Variants in ALG5 observed in about 807,000 individuals in gnomAD.
The protein encoded by ALG5 is dolichyl-phosphate beta-glucosyltransferase.
Under a neutral mutation model 51.8 loss-of-function variants are expected in ALG5, and 26 were observed. The observed-to-expected ratio is 0.50, with a 90% CI of 0.37 to 0.70. ALG5 has a LOEUF of 0.70. Among genes scored for constraint, ALG5 ranks in the 30% least tolerant of loss-of-function variants. The probability of loss-of-function intolerance (pLI) is 0.00; values close to 1 mark genes in which losing one functional copy is unlikely to be tolerated. For synonymous variants in ALG5, 141 were observed against 136.1 expected (o/e 1.04, Z -0.25); for missense variants, 311 against 399.3 (o/e 0.78, Z 1.88).
intron 9 of ALG5, 30 bp from the exon 10 acceptor site, chr13:36,950,087 T>A (rs757791751): frequency 7.2e-7 from 1 of 1,385,254 alleles, no homozygotes; most frequent in Non-Finnish European, 1.0e-6. Flanking sequence ...AAAAACAAAT[T>A]AGCTTAAATA....
intron 1 of ALG5, among the ~76,000 whole-genome samples, chr13:36,997,012 T>G (rs902859572): frequency 7.9e-5 from 12 of 152,160 alleles, no homozygotes; most frequent in African/African-American, 2.9e-4. Flanking sequence ...CACTCACAAT[T>G]TTTTCTTGAT....
chr13:36,999,214 G>C, intron 1 of ALG5, 21 bp downstream of exon 1: 1 of 1,556,132 alleles, frequency 6.4e-7, no homozygotes, highest in Non-Finnish European at 8.7e-7. Flanking sequence ...GGCCTGCGCG[G>C]GTTCCCATCC....
At chr13:36,983,958 G>A (rs2058990857) in intron 6 of ALG5, among the ~76,000 whole-genome samples, 1 of 151,924 alleles carries the variant, frequency 6.6e-6, no homozygotes, top group Non-Finnish European at 1.5e-5. Flanking sequence ...TTACCTTTTT[G>A]TGTTGTTTGG....
At chr13:36,958,223 A>G (rs1242432633) in intron 8 of ALG5, among the ~76,000 whole-genome samples, 3 of 151,822 alleles carry the variant, frequency 2.0e-5, no homozygotes, top group Non-Finnish European at 2.9e-5. Context: ...CTGTACCACC[A>G]CTAGCTCTCC....
chr13:36,966,142 G>A (rs1481937413), intron 7 of ALG5, among the ~76,000 whole-genome samples: 1 of 152,114 alleles, frequency 6.6e-6, no homozygotes, highest in Non-Finnish European at 1.5e-5. Context: ...ACAGATATAA[G>A]CCTGCAGTTG....
intron 6 of ALG5, among the ~76,000 whole-genome samples, chr13:36,972,582 G>A (rs1467684877): frequency 6.6e-6 from 1 of 152,124 alleles, no homozygotes; most frequent in Non-Finnish European, 1.5e-5. Context: ...AAGGTAGAAA[G>A]TTTAGACAAG....
chr13:36,973,489 G>C (rs2058935937), intron 6 of ALG5, among the ~76,000 whole-genome samples: 1 of 152,206 alleles, frequency 6.6e-6, no homozygotes, highest in Non-Finnish European at 1.5e-5. Context: ...ACATAGTCCA[G>C]ATACATCAAA....
intron 1 of ALG5, among the ~76,000 whole-genome samples, chr13:36,998,057 A>G (rs1240398374): frequency 1.3e-5 from 2 of 152,350 alleles, no homozygotes; most frequent in East Asian, 3.9e-4. Flanking sequence ...TAAGTACTAC[A>G]ATCAATAAAT....
chr13:36,965,462 G>A (rs2138791421), intron 8 of ALG5, 113 bp downstream of exon 8: 1 of 1,126,060 alleles, frequency 8.9e-7, no homozygotes, highest in East Asian at 2.4e-5. Flanking sequence ...ATACATTATT[G>A]TCAATTTTGT....
chr13:36,983,278 G>A (rs1041700442), intron 6 of ALG5, among the ~76,000 whole-genome samples: 1 of 152,216 alleles, frequency 6.6e-6, no homozygotes, highest in African/African-American at 2.4e-5. Context: ...GTCCTCTGGA[G>A]AAAATCAGGA....
chr13:36,972,054 G>T lies in ALG5; in HGVS notation c.562-18C>A, dbSNP rs778182368. 2 of 1,571,164 alleles carry T rather than the reference G, an allele frequency of 1.3e-6. No homozygotes were observed. The highest frequency in any genetic ancestry group is 4.5e-5 in the East Asian group (2 of 44,298). On this transcript the variant is annotated intron_variant, in intron 6 of 9. Coordinates refer to ENST00000239891, the MANE Select transcript of ALG5 (RefSeq NM_013338.5). ...ATTTGATTCTGAGGGAAAAAGCAGA[G>T]ATAGTTTTTCAATATTTAAATATCA...
intron 6 of ALG5, among the ~76,000 whole-genome samples, chr13:36,978,210 C>T (rs1365003218): frequency 3.3e-5 from 4 of 121,604 alleles, no homozygotes; most frequent in East Asian, 5.1e-4. Flanking sequence ...TTTTTTGAGA[C>T]GGAATCTCAC....
intron 3 of ALG5, 109 bp downstream of exon 3, chr13:36,994,880 G>C (rs1449736434): frequency 2.2e-6 from 2 of 896,674 alleles, no homozygotes; most frequent in Non-Finnish European, 3.5e-6. Flanking sequence ...CCCAGCGATC[G>C]GGGTGCTGCC....
At chr13:36,980,383 C>T (rs960842467) in intron 6 of ALG5, among the ~76,000 whole-genome samples, 6 of 151,900 alleles carry the variant, frequency 3.9e-5, no homozygotes, top group African/African-American at 7.3e-5. Flanking sequence ...TACAGGTGTG[C>T]GCTACGACAC....
chr13:36,980,383 C>A (rs960842467), intron 6 of ALG5, among the ~76,000 whole-genome samples: 1 of 151,900 alleles, frequency 6.6e-6, no homozygotes, highest in South Asian at 2.1e-4. Flanking sequence ...TACAGGTGTG[C>A]GCTACGACAC....
At chr13:36,998,977 C>T (rs916471631) in intron 1 of ALG5, 2 of 356,990 alleles carry the variant, frequency 5.6e-6, no homozygotes, top group Non-Finnish European at 1.0e-5. Context: ...GATGCCAGGC[C>T]GGGTGGGTGC....
chr13:36,985,203 G>A (rs1231316389), intron 6 of ALG5, among the ~76,000 whole-genome samples: 1 of 151,850 alleles, frequency 6.6e-6, no homozygotes, highest in African/African-American at 2.4e-5. Flanking sequence ...TTGAAGTTAT[G>A]GTGTGAAGTT....
At chr13:36,984,519 T>A (rs1426739227) in intron 6 of ALG5, among the ~76,000 whole-genome samples, 1 of 83,478 alleles carries the variant, frequency 1.2e-5, no homozygotes, top group South Asian at 7.5e-4. Flanking sequence ...ATTTTGTCCT[T>A]TTCCTTGGAT....
chr13:36,999,194 G>T, intron 1 of ALG5, 41 bp downstream of exon 1: 1 of 1,522,090 alleles, frequency 6.6e-7, no homozygotes, highest in Non-Finnish European at 8.8e-7. Context: ...CCAGGAGAGC[G>T]GTAAGCCCCG....
Sources: allele counts gnomAD v4.1 joint callset (sites outside exome capture counted in the v4.1 genomes callset), GRCh38; gene constraint gnomAD v4.1.1; transcripts MANE v1.5; gene names NCBI Gene and HGNC (gene_info 2026-07-23, HGNC 2026-07-21).